Variants in ELAPOR1 observed in about 807,000 individuals in gnomAD.
ELAPOR1 encodes endosome-lysosome associated apoptosis and autophagy regulator 1, also known as endosome/lysosome-associated apoptosis and autophagy regulator 1.
A neutral mutation model predicts 119.7 loss-of-function variants in ELAPOR1; 77 were observed. The ratio of observed to expected loss-of-function variants is 0.64; its 90% confidence interval spans 0.54 to 0.78. The LOEUF (loss-of-function observed/expected upper bound fraction) is 0.78, where lower values mean the gene tolerates loss of function less well. Among genes scored for constraint, ELAPOR1 ranks in the 30% least tolerant of loss-of-function variants. The pLI, the probability that ELAPOR1 is intolerant of heterozygous loss-of-function variation, is 0.00. For synonymous variants in ELAPOR1, 481 were observed against 487.2 expected, an observed-to-expected ratio of 0.99 and a Z score of 0.17; for missense variants, 1,115 against 1,270.4, an observed-to-expected ratio of 0.88 and a Z score of 1.86.
chr1:109,197,397 C>T (rs1181062617), intron 15 of ELAPOR1, 77 bp from the exon 16 acceptor site: 9 of 1,279,144 alleles, frequency 7.0e-6, no homozygotes, highest in Non-Finnish European at 9.9e-6. Flanking sequence ...TGTAAAAAAG[C>T]CTTCCCTATT....
intron 1 of ELAPOR1, among the ~76,000 whole-genome samples, chr1:109,117,659 A>T (rs1648102486): frequency 6.6e-6 from 1 of 152,272 alleles, no homozygotes. Context: ...TAAATTAAAT[A>T]AAATAACATG....
chr1:109,201,707 T>A (rs1213391739), intron 21 of ELAPOR1, among the ~76,000 whole-genome samples: 1 of 152,148 alleles, frequency 6.6e-6, no homozygotes, highest in Non-Finnish European at 1.5e-5. Context: ...TCCCTTGGCC[T>A]CCTTAGACTG....
At chr1:109,166,215 A>AT (rs1280757633) in intron 3 of ELAPOR1, among the ~76,000 whole-genome samples, 30 of 151,542 alleles carry the variant, frequency 2.0e-4, no homozygotes, top group Non-Finnish European at 3.5e-4. Flanking sequence ...CACCCAGCTA[A>AT]TTTTTTTGTA....
At chr1:109,197,262 G>A (rs1248558140) in intron 15 of ELAPOR1, among the ~76,000 whole-genome samples, 4 of 152,006 alleles carry the variant, frequency 2.6e-5, no homozygotes, top group Admixed American at 6.5e-5. Context: ...ACTCCAGCCC[G>A]GGCAATAGAT....
chr1:109,200,913 G>A lies in ELAPOR1; in HGVS notation c.2973+13G>A, dbSNP rs200974698. ...ATTTACCTCCAAGGTAGGGGTCCTG[G>A]CCAGTGCACTGAGGTCAGCCTGGAG... On this transcript the variant is annotated intron_variant, in intron 21 of 21. Transcript: ENST00000369939. 7.2e-4 allele frequency: 1,162 copies of A among 1,611,318 alleles called. 2 individuals are homozygous for A. Among genetic ancestry groups the A allele is most frequent in the Non-Finnish European group, 9.1e-4 (1,071 of 1,178,558 alleles).
At chr1:109,196,100 G>A (rs1050828874) in intron 15 of ELAPOR1, among the ~76,000 whole-genome samples, 4 of 152,094 alleles carry the variant, frequency 2.6e-5, no homozygotes, top group Non-Finnish European at 5.9e-5. Flanking sequence ...AGATTGCAGT[G>A]AGCCAAGATC....
At chr1:109,189,844 G>A (rs1359492404) in intron 11 of ELAPOR1, among the ~76,000 whole-genome samples, 162 bp downstream of exon 11, 1 of 152,156 alleles carries the variant, frequency 6.6e-6, no homozygotes, top group Non-Finnish European at 1.5e-5. Flanking sequence ...GTAACCCAAT[G>A]CTATCACGTT....
chr1:109,141,749 C>T (rs1225561778), intron 1 of ELAPOR1, among the ~76,000 whole-genome samples: 1 of 151,816 alleles, frequency 6.6e-6, no homozygotes, highest in Admixed American at 6.6e-5. Context: ...CACTGCAGCC[C>T]TGACATCCCA....
At chr1:109,180,233 A>G (rs138156669) in intron 7 of ELAPOR1, among the ~76,000 whole-genome samples, 178 of 152,336 alleles carry the variant, frequency 1.2e-3, no homozygotes, top group African/African-American at 4.1e-3. Context: ...GCATGAAGTT[A>G]AAGAGCATGG....
chr1:109,140,721 A>G (rs908735877), intron 1 of ELAPOR1, among the ~76,000 whole-genome samples: 6 of 152,260 alleles, frequency 3.9e-5, no homozygotes, highest in African/African-American at 1.4e-4. Flanking sequence ...GGTGCTGAAT[A>G]TAGCAGTTTC....
intron 1 of ELAPOR1, among the ~76,000 whole-genome samples, chr1:109,152,670 A>C (rs943083694): frequency 1.3e-5 from 2 of 152,088 alleles, no homozygotes; most frequent in African/African-American, 4.8e-5. Flanking sequence ...TGAGGCCGGC[A>C]TGGTGGTTCA....
At chr1:109,136,165 G>T (rs1649453809) in intron 1 of ELAPOR1, among the ~76,000 whole-genome samples, 1 of 152,148 alleles carries the variant, frequency 6.6e-6, no homozygotes, top group South Asian at 2.1e-4. Context: ...CCCGCTGTGT[G>T]CCCCAGCACC....
intron 2 of ELAPOR1, 81 bp from the exon 3 acceptor site, chr1:109,164,418 C>A: frequency 7.9e-7 from 1 of 1,261,916 alleles, no homozygotes; most frequent in Non-Finnish European, 1.1e-6. Context: ...CAGCGCTCCT[C>A]CCTTCAGCTG....
chr1:109,194,448 A>G lies in ELAPOR1; in HGVS notation c.1975A>G (p.Thr659Ala), dbSNP rs1653652828. 6.2e-7 allele frequency: 1 copy of G among 1,613,650 alleles called. No individual in the cohort carries two copies. The highest frequency in any genetic ancestry group is 8.5e-7 in the Non-Finnish European group (1 of 1,179,740). ...KIHSLCYNDC[T>A]FSRNTPTRTF... ...CCACTCTCTGTGCTACAACGATTGC[A>G]CCTTCTCACGCAACACTCCGACCAG... Residue 659 changes from threonine (T) to alanine (A), a missense_variant, in exon 15 of 22, where the codon ACC (threonine) becomes GCC (alanine). Transcript: ENST00000369939.
At chr1:109,143,003 G>A (rs940302436) in intron 1 of ELAPOR1, among the ~76,000 whole-genome samples, 1 of 151,718 alleles carries the variant, frequency 6.6e-6, no homozygotes, top group African/African-American at 2.4e-5. Context: ...AGGCTGGAGT[G>A]CAGTAGTGCG....
intron 1 of ELAPOR1, among the ~76,000 whole-genome samples, chr1:109,145,837 AT>A (rs1558030600): frequency 6.6e-6 from 1 of 152,142 alleles, no homozygotes. Flanking sequence ...TGCCTGGCTA[AT>A]TTTTGTACTT....
chr1:109,151,205 G>T (rs1471112682), intron 1 of ELAPOR1, among the ~76,000 whole-genome samples: 1 of 152,152 alleles, frequency 6.6e-6, no homozygotes, highest in African/African-American at 2.4e-5. Flanking sequence ...GGTGGTAGAG[G>T]CCAGGAATGT....
intron 2 of ELAPOR1, among the ~76,000 whole-genome samples, chr1:109,163,111 TA>T (rs1379443122): frequency 2.6e-5 from 4 of 152,218 alleles, no homozygotes; most frequent in Non-Finnish European, 5.9e-5. Context: ...TACGAATATT[TA>T]GGGATCAGGC....
chr1:109,159,782 G>C (rs6676222), intron 1 of ELAPOR1, among the ~76,000 whole-genome samples: 20,070 of 152,154 alleles, frequency 0.13, 2,507 homozygotes, highest in African/African-American at 0.33. Context: ...TCGTGAAGAT[G>C]AAACGAGATG....
Sources: allele counts gnomAD v4.1 joint callset (sites outside exome capture counted in the v4.1 genomes callset), GRCh38; gene constraint gnomAD v4.1.1; transcripts MANE v1.5; gene names NCBI Gene and HGNC (gene_info 2026-07-23, HGNC 2026-07-21).